The following DOCK3 variants were observed in gnomAD, a reference collection of about 807,000 sequenced individuals.
The protein encoded by DOCK3 is dedicator of cytokinesis 3.
DOCK3 carries 60 observed loss-of-function variants against 265.6 expected under a neutral mutation model. That is an observed-to-expected ratio of 0.23 (90% CI 0.18 to 0.28). The LOEUF is 0.28. Ranked by LOEUF, DOCK3 falls within the 10% of genes least tolerant of loss-of-function variation. DOCK3 has a pLI of 1.00. For missense variants in DOCK3, 1,981 were observed against 2,594.3 expected (o/e 0.76, Z 5.14); for synonymous variants, 881 against 938.0 (o/e 0.94, Z 1.11).
rs761953062 is a variant in DOCK3 at position 51,339,038 on chromosome 3, G to A, written c.3766+10G>A. On this transcript the variant is annotated intron_variant, in intron 37 of 52. Transcript: ENST00000266037. ...GCCGAAAACTACACAGGTAAGTGGG[G>A]AGAAGAGAGAGCCATGCCTGACCAT... 5 of 1,571,390 alleles carry A rather than the reference G, an allele frequency of 3.2e-6. No homozygotes were observed. Among genetic ancestry groups the A allele is most frequent in the Non-Finnish European group, 4.3e-6 (5 of 1,159,784 alleles).
intron 5 of DOCK3, among the ~76,000 whole-genome samples, chr3:51,059,455 CCACACACACACACACACACACACACA>C (rs57596003): frequency 2.1e-5 from 3 of 140,628 alleles, no homozygotes; most frequent in Admixed American, 7.1e-5. Flanking sequence ...AGAAAAAAAA[CCACACACACACACACACACACACACA>C]CACACACACA....
At chr3:50,986,036 C>A (rs577390109) in intron 5 of DOCK3, among the ~76,000 whole-genome samples, 2 of 151,942 alleles carry the variant, frequency 1.3e-5, no homozygotes. Flanking sequence ...TGTCACTCCC[C>A]AGTCTGCAAG....
chr3:50,700,384 C>T (rs556187634), intron 1 of DOCK3, among the ~76,000 whole-genome samples: 2 of 152,346 alleles, frequency 1.3e-5, no homozygotes, highest in African/African-American at 4.8e-5. Flanking sequence ...CTTATTTCTT[C>T]CGTCTAGCTA....
At chr3:51,270,774 C>T (rs2080452777) in intron 23 of DOCK3, 41 bp from the exon 24 acceptor site, 1 of 1,578,950 alleles carries the variant, frequency 6.3e-7, no homozygotes, top group Non-Finnish European at 8.6e-7. Flanking sequence ...TAGACACACA[C>T]CCTAACTCTG....
chr3:50,868,958 A>G (rs1382715008), intron 3 of DOCK3, among the ~76,000 whole-genome samples: 2 of 73,454 alleles, frequency 2.7e-5, no homozygotes, highest in Admixed American at 1.7e-4. Context: ...GTTTTGTTTA[A>G]CTTTTCAAAA....
intron 3 of DOCK3, chr3:50,877,572 A>T (rs2047769750): frequency 1.9e-6 from 1 of 519,094 alleles, no homozygotes; most frequent in Non-Finnish European, 3.9e-6. Flanking sequence ...TCAAGCGAGG[A>T]TTCAGCTTGA....
intron 3 of DOCK3, among the ~76,000 whole-genome samples, chr3:50,849,590 A>G (rs1419146601): frequency 6.6e-6 from 1 of 152,150 alleles, no homozygotes; most frequent in African/African-American, 2.4e-5. Context: ...AGTAGCTGGG[A>G]CTACAGGCAC....
intron 32 of DOCK3, among the ~76,000 whole-genome samples, chr3:51,319,642 GGATCACAAGGTCAAGA>G (rs2083567509): frequency 6.6e-6 from 1 of 152,072 alleles, no homozygotes; most frequent in Non-Finnish European, 1.5e-5. Flanking sequence ...TGAGGCGGGT[GGATCACAAGGTCAAGA>G]GATCCAGACC....
At chr3:50,888,225 CAG>C (rs1266657163) in intron 3 of DOCK3, among the ~76,000 whole-genome samples, 3 of 151,956 alleles carry the variant, frequency 2.0e-5, no homozygotes, top group Non-Finnish European at 4.4e-5. Context: ...AACAGACAAA[CAG>C]AGAGCCAAAT....
chr3:51,300,911 G>A (rs1274327491), intron 27 of DOCK3, among the ~76,000 whole-genome samples: 1 of 152,168 alleles, frequency 6.6e-6, no homozygotes, highest in African/African-American at 2.4e-5. Flanking sequence ...GATGATGCTG[G>A]CCTCATAAAA....
At chr3:51,070,594 A>G (rs560313572) in intron 6 of DOCK3, among the ~76,000 whole-genome samples, 2 of 152,370 alleles carry the variant, frequency 1.3e-5, no homozygotes, top group Admixed American at 1.3e-4. Context: ...TTTATATGTT[A>G]TATAAATGTA....
At chr3:51,370,306 C>G (rs2087577240) in intron 49 of DOCK3, among the ~76,000 whole-genome samples, 1 of 152,146 alleles carries the variant, frequency 6.6e-6, no homozygotes, top group African/African-American at 2.4e-5. Context: ...AAGATATGTT[C>G]TGACATATCT....
intron 1 of DOCK3, among the ~76,000 whole-genome samples, chr3:50,698,604 T>C (rs1419602809): frequency 1.3e-5 from 2 of 149,260 alleles, no homozygotes; most frequent in African/African-American, 4.9e-5. Context: ...TTTGAAGAAC[T>C]GTTATACCTT....
chr3:50,681,750 C>A (rs1476929143), intron 1 of DOCK3, among the ~76,000 whole-genome samples: 4 of 152,150 alleles, frequency 2.6e-5, no homozygotes, highest in Admixed American at 2.0e-4. Context: ...GAATAAAATC[C>A]CATCCTCCTA....
At position 51,129,220 on chromosome 3, in the gene DOCK3, G is replaced by A. The variant is rs2084401221; in HGVS notation, c.747-17329G>A. On this transcript the variant is annotated intron_variant, in intron 9 of 52. Transcript: ENST00000266037. ...TGCACTACTTGCAGTTCTGCCCACT[G>A]GGAAAATTTCCCTTCACTGCTGTCC... is the stretch of plus-strand genomic sequence containing the variant. Among the ~76,000 whole-genome samples, 5 of 152,348 alleles carry A rather than the reference G, an allele frequency of 3.3e-5. No individual in the cohort carries two copies. In the South Asian group the frequency reaches 1.0e-3, roughly 32 times the overall value.
chr3:50,768,116 C>T (rs761977305), intron 1 of DOCK3, among the ~76,000 whole-genome samples: 18 of 152,132 alleles, frequency 1.2e-4, no homozygotes, highest in Non-Finnish European at 2.1e-4. Context: ...TTTCTTTCTC[C>T]TGCCTGATTG....
At chr3:50,994,939 T>C (rs956812638) in intron 5 of DOCK3, among the ~76,000 whole-genome samples, 1 of 152,238 alleles carries the variant, frequency 6.6e-6, no homozygotes, top group African/African-American at 2.4e-5. Flanking sequence ...AGGTTTCTTA[T>C]AATTTTATTA....
chr3:51,276,817 A>T (rs1439698369), intron 25 of DOCK3, among the ~76,000 whole-genome samples: 1 of 152,200 alleles, frequency 6.6e-6, no homozygotes, highest in Non-Finnish European at 1.5e-5. Flanking sequence ...AACATCTTAG[A>T]CGAGGGGCAA....
chr3:50,819,167 G>C (rs905770477), intron 2 of DOCK3, among the ~76,000 whole-genome samples: 1 of 152,036 alleles, frequency 6.6e-6, no homozygotes, highest in African/African-American at 2.4e-5. Flanking sequence ...ATCATGCTTT[G>C]ACTTTGGCAC....
Sources: allele counts gnomAD v4.1 joint callset (sites outside exome capture counted in the v4.1 genomes callset), GRCh38; gene constraint gnomAD v4.1.1; transcripts MANE v1.5; gene names NCBI Gene and HGNC (gene_info 2026-07-23, HGNC 2026-07-21).